Variants in BATF observed in about 807,000 individuals in gnomAD.
BATF encodes basic leucine zipper ATF-like transcription factor, also known as basic leucine zipper transcriptional factor ATF-like.
In BATF, 5 loss-of-function variants were observed where a neutral mutation model predicts 13.7. The observed-to-expected ratio is 0.36, with a 90% confidence interval of 0.19 to 0.77. The LOEUF (loss-of-function observed/expected upper bound fraction) is 0.77, where lower values mean the gene tolerates loss of function less well. Among genes scored for constraint, BATF ranks in the 30% least tolerant of loss-of-function variants. BATF has a pLI of 0.51. For missense variants in BATF, 124 were observed against 163.0 expected, an observed-to-expected ratio of 0.76 and a Z score of 1.30; for synonymous variants, 72 against 67.5, an observed-to-expected ratio of 1.07 and a Z score of -0.33.
intron 2 of BATF, 65 bp downstream of exon 2, chr14:75,525,253 C>G (rs1595002145): frequency 2.7e-6 from 4 of 1,496,156 alleles, no homozygotes; most frequent in Middle Eastern, 1.8e-4. Flanking sequence ...ATCTGGGAAC[C>G]CTTGGACCAT....
chr14:75,534,415 T>C (rs1289416899), intron 2 of BATF, among the ~76,000 whole-genome samples: 1 of 152,232 alleles, frequency 6.6e-6, no homozygotes, highest in Non-Finnish European at 1.5e-5. Context: ...CGATAATTCT[T>C]TGTTGTTGGG....
chr14:75,524,776 A>T (rs1430362108), intron 1 of BATF, among the ~76,000 whole-genome samples: 1 of 151,916 alleles, frequency 6.6e-6, no homozygotes, highest in Non-Finnish European at 1.5e-5. Context: ...AGAGGTGATA[A>T]AACACACTTC....
At chr14:75,531,928 A>G (rs967802477) in intron 2 of BATF, among the ~76,000 whole-genome samples, 1 of 152,176 alleles carries the variant, frequency 6.6e-6, no homozygotes, top group African/African-American at 2.4e-5. Flanking sequence ...TTCCACCCTT[A>G]AAAAGTTCAA....
chr14:75,532,828 G>A (rs953003226), intron 2 of BATF, among the ~76,000 whole-genome samples: 1 of 152,190 alleles, frequency 6.6e-6, no homozygotes, highest in African/African-American at 2.4e-5. Context: ...AGCATGCAGA[G>A]TATAACCCTT....
intron 2 of BATF, among the ~76,000 whole-genome samples, chr14:75,528,680 A>C (rs1887687403): frequency 6.6e-6 from 1 of 152,222 alleles, no homozygotes; most frequent in South Asian, 2.1e-4. Flanking sequence ...TATAGTACAG[A>C]TGTTGATTAA....
chr14:75,544,333 G>C (rs1313540704), intron 2 of BATF, among the ~76,000 whole-genome samples: 1 of 151,982 alleles, frequency 6.6e-6, no homozygotes, highest in Non-Finnish European at 1.5e-5. Context: ...GGGAGACCAA[G>C]GTGGGCAGAT....
chr14:75,528,064 G>T (rs1483323680), intron 2 of BATF, among the ~76,000 whole-genome samples: 3 of 152,028 alleles, frequency 2.0e-5, no homozygotes, highest in Non-Finnish European at 4.4e-5. Context: ...TGAGATTCAG[G>T]TGAAAAGTCT....
At position 75,546,895 on chromosome 14, in the gene BATF, C is replaced by T; in HGVS notation, c.*224C>T. 1 of 717,244 alleles carries T rather than the reference C, an allele frequency of 1.4e-6. No individual in the cohort carries two copies. Among genetic ancestry groups the T allele is most frequent in the Non-Finnish European group, 2.5e-6 (1 of 398,502 alleles). 44.4% of individuals were successfully genotyped at this position (717,244 alleles called of 1,614,324 possible). On this transcript the variant is annotated 3_prime_UTR_variant, in exon 3 of 3. Transcript: ENST00000286639. ...ACCCCACCACTGTGGGTTGCAGGCC[C>T]AATGCAGAAGAGTATTAAGAAAGAT...
At chr14:75,540,602 A>G (rs1481543848) in intron 2 of BATF, among the ~76,000 whole-genome samples, 1 of 152,250 alleles carries the variant, frequency 6.6e-6, no homozygotes, top group African/African-American at 2.4e-5. Flanking sequence ...CCTCAATTCA[A>G]GTACCGGTGC....
intron 2 of BATF, among the ~76,000 whole-genome samples, chr14:75,535,897 C>T (rs1484979795): frequency 1.3e-5 from 2 of 152,168 alleles, no homozygotes; most frequent in Non-Finnish European, 2.9e-5. Context: ...AAAGGGTACT[C>T]AGCTGGCATA....
intron 2 of BATF, among the ~76,000 whole-genome samples, chr14:75,531,509 C>T (rs1171883383): frequency 6.6e-6 from 1 of 152,126 alleles, no homozygotes; most frequent in Non-Finnish European, 1.5e-5. Flanking sequence ...AGAGTAACAG[C>T]CAAGTTTGAA....
At chr14:75,546,105 G>A (rs549570865) in intron 2 of BATF, among the ~76,000 whole-genome samples, 2 of 152,084 alleles carry the variant, frequency 1.3e-5, no homozygotes, top group African/African-American at 4.8e-5. Flanking sequence ...CAGGCAATCC[G>A]CCCGCCTCGG....
intron 2 of BATF, among the ~76,000 whole-genome samples, chr14:75,533,383 A>C (rs554745574): frequency 6.6e-6 from 1 of 150,542 alleles, no homozygotes; most frequent in African/African-American, 2.5e-5. Context: ...AGCTGAGATC[A>C]CACCACTGCA....
chr14:75,546,197 T>G, intron 2 of BATF, among the ~76,000 whole-genome samples: 1 of 152,112 alleles, frequency 6.6e-6, no homozygotes, highest in Non-Finnish European at 1.5e-5. Flanking sequence ...AACAGACAAA[T>G]ATCAGCAGCT....
At chr14:75,546,172 A>C (rs1887982595) in intron 2 of BATF, among the ~76,000 whole-genome samples, 1 of 152,094 alleles carries the variant, frequency 6.6e-6, no homozygotes, top group Admixed American at 6.6e-5. Context: ...TGAAATTGCT[A>C]TTCTTATAGG....
intron 2 of BATF, among the ~76,000 whole-genome samples, chr14:75,542,161 T>C (rs552686113): frequency 6.6e-6 from 1 of 152,308 alleles, no homozygotes; most frequent in South Asian, 2.1e-4. Flanking sequence ...GTGAATCCTA[T>C]AGCACAGCTG....
intron 2 of BATF, 116 bp downstream of exon 2, chr14:75,525,304 G>T: frequency 9.1e-7 from 1 of 1,094,334 alleles, no homozygotes; most frequent in Admixed American, 2.1e-5. Flanking sequence ...ATGTGGGGTG[G>T]GTTAGTGGAG....
intron 2 of BATF, among the ~76,000 whole-genome samples, chr14:75,538,619 C>A (rs1477197675): frequency 6.6e-6 from 1 of 152,176 alleles, no homozygotes; most frequent in East Asian, 1.9e-4. Context: ...ACAAAACAAA[C>A]GGCCAGGTGC....
chr14:75,534,575 C>T lies in BATF; in HGVS notation c.168+9387C>T, dbSNP rs550695949. Among the ~76,000 whole-genome samples, 5 of 152,198 alleles carry T rather than the reference C, an allele frequency of 3.3e-5. No individual in the cohort carries two copies. The South Asian group carries it at 8.3e-4, about 25-fold the overall frequency. Reference sequence around the variant, plus strand: ...AAATCAGTCCTAGTTGAGAACGCTACACTAAGGAGAAAGACACATGGAAAG... The same window carrying T: ...AAATCAGTCCTAGTTGAGAACGCTATACTAAGGAGAAAGACACATGGAAAG... On this transcript the variant is annotated intron_variant, in intron 2 of 2. Transcript: ENST00000286639.
Sources: gnomAD v4.1 joint callset for allele counts (sites outside exome capture counted in the v4.1 genomes callset) on GRCh38, gnomAD v4.1.1 for gene constraint, MANE v1.5 for transcripts, NCBI Gene and HGNC (gene_info 2026-07-23, HGNC 2026-07-21) for gene names.